Variants in AKR1E2 observed in about 807,000 individuals in gnomAD.
The protein encoded by AKR1E2 is 1,5-anhydro-D-fructose reductase.
In AKR1E2, 43 loss-of-function variants were observed where a neutral mutation model predicts 41.9. The observed-to-expected ratio is 1.03, with a 90% CI of 0.80 to 1.32. AKR1E2 has a LOEUF of 1.32. Among genes scored for constraint, AKR1E2 ranks in the 40% most tolerant of loss-of-function variants. The pLI, the probability that AKR1E2 is intolerant of heterozygous loss-of-function variation, is 0.00. For missense variants in AKR1E2, 423 were observed against 396.5 expected, an observed-to-expected ratio of 1.07 and a Z score of -0.57; for synonymous variants, 121 against 138.9, an observed-to-expected ratio of 0.87 and a Z score of 0.91.
chr10:4,833,606 G>A, intron 3 of AKR1E2, 140 bp downstream of exon 3: 5 of 734,808 alleles, frequency 6.8e-6, no homozygotes, highest in Non-Finnish European at 1.2e-5. Flanking sequence ...GCTAGCTGCG[G>A]CATTTGGGCA....
At chr10:4,863,775 G>C in the AKR1E2 span, among the ~76,000 whole-genome samples, 7 of 151,912 alleles carry the variant, frequency 4.6e-5, no homozygotes, top group East Asian at 1.2e-3. Context: ...ATGATAAAGG[G>C]GATATCACCA....
At chr10:4,864,946 T>C in the AKR1E2 span, among the ~76,000 whole-genome samples, 2 of 152,162 alleles carry the variant, frequency 1.3e-5, no homozygotes, top group Non-Finnish European at 2.9e-5. Flanking sequence ...GAGTGAAAAA[T>C]GAAATATTCC....
chr10:4,851,346 G>A (rs575530878), downstream of AKR1E2, among the ~76,000 whole-genome samples: 11 of 152,264 alleles, frequency 7.2e-5, no homozygotes, highest in South Asian at 1.9e-3. Flanking sequence ...TGTCACTCCC[G>A]GTTGGATTCT....
the AKR1E2 span, among the ~76,000 whole-genome samples, chr10:4,854,805 A>T: frequency 6.6e-6 from 1 of 152,100 alleles, no homozygotes; most frequent in African/African-American, 2.4e-5. Flanking sequence ...CTCTTCATAA[A>T]AGGCAAGGAC....
chr10:4,855,846 A>C, the AKR1E2 span, among the ~76,000 whole-genome samples: 1 of 152,202 alleles, frequency 6.6e-6, no homozygotes, highest in African/African-American at 2.4e-5. Context: ...TAAATGCTTT[A>C]AGGGCATAAA....
chr10:4,851,570 C>T (rs1227106141), downstream of AKR1E2, among the ~76,000 whole-genome samples: 4 of 152,240 alleles, frequency 2.6e-5, no homozygotes, highest in Non-Finnish European at 5.9e-5. Flanking sequence ...CATGCTCCAA[C>T]ACCAATCCCT....
chr10:4,828,182 C>T (rs1588429613), intron 1 of AKR1E2, among the ~76,000 whole-genome samples: 1 of 152,206 alleles, frequency 6.6e-6, no homozygotes, highest in South Asian at 2.1e-4. Flanking sequence ...CACGGGAGGT[C>T]AGGAGAGCAG....
chr10:4,834,198 A>G (rs918278391), intron 3 of AKR1E2, among the ~76,000 whole-genome samples: 2 of 152,226 alleles, frequency 1.3e-5, no homozygotes, highest in Non-Finnish European at 2.9e-5. Context: ...TCTTCCTACA[A>G]TGGAATGGGT....
At chr10:4,869,177 T>C in the AKR1E2 span, among the ~76,000 whole-genome samples, 13 of 152,162 alleles carry the variant, frequency 8.5e-5, no homozygotes, top group African/African-American at 3.1e-4. Flanking sequence ...AGACTTCTAT[T>C]TGGGAGTTTT....
At chr10:4,849,564 T>C (rs933046935), downstream of AKR1E2, among the ~76,000 whole-genome samples, 1 of 152,210 alleles carries the variant, frequency 6.6e-6, no homozygotes. Flanking sequence ...CATTGTTCAT[T>C]GACCTTAAAA....
At chr10:4,831,857 T>C (rs1246001247) in intron 2 of AKR1E2, among the ~76,000 whole-genome samples, 1 of 152,180 alleles carries the variant, frequency 6.6e-6, no homozygotes, top group Non-Finnish European at 1.5e-5. Context: ...GTATCATATG[T>C]GAGTGCAACT....
rs184472681 is a variant in AKR1E2 at position 4,838,804 on chromosome 10, G to A, written c.583-925G>A. Reference sequence around the variant, plus strand: ...TATGTTTATATGGATAGTAGCTTCCGTTTTGTGTCAGTATTTTTAGTTGTT... The same window carrying A: ...TATGTTTATATGGATAGTAGCTTCCATTTTGTGTCAGTATTTTTAGTTGTT... On this transcript the variant is annotated intron_variant, in intron 5 of 9. Transcript: ENST00000298375. Among the ~76,000 whole-genome samples, 70 of 152,230 alleles carry A rather than the reference G, an allele frequency of 4.6e-4. No individual in the cohort carries two copies. In the East Asian group the frequency reaches 9.5e-3, roughly 21 times the overall value.
chr10:4,872,421 G>A, the AKR1E2 span, among the ~76,000 whole-genome samples: 75 of 152,244 alleles, frequency 4.9e-4, no homozygotes, highest in African/African-American at 1.8e-3. Context: ...ATTATACCTA[G>A]AGAGAGATAC....
the AKR1E2 span, among the ~76,000 whole-genome samples, chr10:4,853,570 A>G: frequency 2.0e-5 from 3 of 152,148 alleles, no homozygotes; most frequent in Non-Finnish European, 1.5e-5. Flanking sequence ...TGGTCTGGTT[A>G]CAGCTTAGTT....
chr10:4,872,291 T>G, the AKR1E2 span, among the ~76,000 whole-genome samples: 1 of 152,170 alleles, frequency 6.6e-6, no homozygotes, highest in African/African-American at 2.4e-5. Context: ...TGATTTAATA[T>G]ATAAAGTTAA....
intron 1 of AKR1E2, 49 bp from the exon 2 acceptor site, chr10:4,830,626 T>C (rs1832893729): frequency 6.2e-7 from 1 of 1,602,806 alleles, no homozygotes. Flanking sequence ...GAGATTTGTG[T>C]TGGATTCCTC....
chr10:4,828,436 G>A (rs1451691038), intron 1 of AKR1E2, among the ~76,000 whole-genome samples: 4 of 152,256 alleles, frequency 2.6e-5, no homozygotes, highest in South Asian at 2.1e-4. Context: ...CTTGATAAGC[G>A]CCCATACCTA....
the AKR1E2 span, among the ~76,000 whole-genome samples, chr10:4,861,226 C>T: frequency 4.6e-5 from 7 of 151,998 alleles, 1 homozygote; most frequent in Admixed American, 2.0e-4. Context: ...GAAATATTTT[C>T]GGACATCTAT....
Position 4,847,847 on chromosome 10 carries a change from C to A in AKR1E2, c.*317C>A. The A allele has an allele frequency of 3.0e-6, 1 of 333,164 alleles. No homozygotes were observed. The allele number at this position is 333,164 out of a possible 1,614,324, so 20.6% of individuals were successfully genotyped here. On this transcript the variant is annotated 3_prime_UTR_variant, in exon 10 of 10. Coordinates refer to ENST00000298375, the MANE Select transcript of AKR1E2 (RefSeq NM_001040177.3). ...GGAGTTATTTAAGCCATCTACAGAG[C>A]TGAGGAAACAGTGTAATGTGTCTCT...
Sources: gnomAD v4.1 joint callset for allele counts (sites outside exome capture counted in the v4.1 genomes callset) on GRCh38, gnomAD v4.1.1 for gene constraint, MANE v1.5 for transcripts, NCBI Gene and HGNC (gene_info 2026-07-23, HGNC 2026-07-21) for gene names.